Variants in FRMD4A observed in about 807,000 individuals in gnomAD.
The protein encoded by FRMD4A is FERM domain-containing protein 4A.
Under a neutral mutation model 129.1 loss-of-function variants are expected in FRMD4A, and 29 were observed. The observed-to-expected ratio is 0.22, with a 90% CI of 0.17 to 0.31. FRMD4A has a LOEUF of 0.31. FRMD4A is among the 10% of genes least tolerant of loss of function. The pLI, the probability that FRMD4A is intolerant of heterozygous loss-of-function variation, is 1.00. For missense variants in FRMD4A, 1,272 were observed against 1,375.8 expected (o/e 0.92, Z 1.19); for synonymous variants, 634 against 571.6 (o/e 1.11, Z -1.56).
intron 2 of FRMD4A, among the ~76,000 whole-genome samples, chr10:13,949,301 CAAA>C (rs34006963): frequency 3.0e-5 from 3 of 98,972 alleles, no homozygotes; most frequent in Non-Finnish European, 5.4e-5. Flanking sequence ...TTCTAGTGAT[CAAA>C]AAAAAAAAAA....
At chr10:14,134,483 G>A (rs779142700) in intron 2 of FRMD4A, among the ~76,000 whole-genome samples, 2 of 151,712 alleles carry the variant, frequency 1.3e-5, no homozygotes, top group Non-Finnish European at 2.9e-5. Flanking sequence ...GGATAGATAT[G>A]TGGATATATG....
intron 2 of FRMD4A, among the ~76,000 whole-genome samples, chr10:14,160,653 A>C (rs36072053): frequency 0.14 from 21,390 of 152,260 alleles, 1,758 homozygotes; most frequent in East Asian, 0.19. Flanking sequence ...TTATTTCTCA[A>C]AAGAAGACAT....
chr10:14,105,867 C>T (rs76083160), intron 2 of FRMD4A, among the ~76,000 whole-genome samples: 1,933 of 152,204 alleles, frequency 0.013, 33 homozygotes, highest in African/African-American at 0.044. Flanking sequence ...TTATCATGTT[C>T]CTCTGTTTCC....
At chr10:14,136,793 C>T (rs1483136329) in intron 2 of FRMD4A, among the ~76,000 whole-genome samples, 5 of 152,136 alleles carry the variant, frequency 3.3e-5, no homozygotes, top group Admixed American at 2.0e-4. Flanking sequence ...AGCTGTACCC[C>T]GACCACCTTG....
chr10:14,261,941 AACACACACACACACACACACACACACAC>A (rs55763234), intron 2 of FRMD4A, among the ~76,000 whole-genome samples: 2 of 128,232 alleles, frequency 1.6e-5, no homozygotes, highest in Admixed American at 1.6e-4. Flanking sequence ...CACCACACCA[AACACACACACACACACACACACACACAC>A]ACACACACAC....
At chr10:14,271,691 G>C (rs1206649911) in intron 2 of FRMD4A, among the ~76,000 whole-genome samples, 2 of 152,138 alleles carry the variant, frequency 1.3e-5, no homozygotes, top group African/African-American at 2.4e-5. Context: ...GCTGGATCTG[G>C]GATAACTTTG....
chr10:14,308,434 G>A (rs1039874381), intron 2 of FRMD4A, among the ~76,000 whole-genome samples: 1 of 151,880 alleles, frequency 6.6e-6, no homozygotes, highest in Non-Finnish European at 1.5e-5. Context: ...GTGAGAATAC[G>A]AACAGCAGTC....
intron 2 of FRMD4A, among the ~76,000 whole-genome samples, chr10:14,065,882 G>A (rs940828260): frequency 6.6e-6 from 1 of 152,180 alleles, no homozygotes; most frequent in African/African-American, 2.4e-5. Context: ...TTCTCTGCAT[G>A]TAGCAGGTTG....
intron 2 of FRMD4A, among the ~76,000 whole-genome samples, chr10:14,211,931 G>A (rs578080021): frequency 2.6e-5 from 4 of 152,322 alleles, no homozygotes; most frequent in Non-Finnish European, 5.9e-5. Context: ...CCTCAGCACT[G>A]GGGAAGTGGC....
intron 5 of FRMD4A, among the ~76,000 whole-genome samples, chr10:13,786,268 T>A (rs2092859375): frequency 6.6e-6 from 1 of 152,212 alleles, no homozygotes; most frequent in Non-Finnish European, 1.5e-5. Flanking sequence ...TTTCTCCACA[T>A]CCTCTCCGGC....
chr10:13,686,131 G>C (rs1037237454), intron 15 of FRMD4A, among the ~76,000 whole-genome samples: 5 of 152,238 alleles, frequency 3.3e-5, no homozygotes, highest in African/African-American at 9.6e-5. Flanking sequence ...CCCTGGGGCA[G>C]AGCAGAGGCT....
At chr10:13,948,453 G>C (rs10906550) in intron 2 of FRMD4A, among the ~76,000 whole-genome samples, 3 of 151,786 alleles carry the variant, frequency 2.0e-5, no homozygotes, top group Non-Finnish European at 4.4e-5. Context: ...AGCCACTAAA[G>C]GTACTGATAT....
At chr10:13,904,999 A>G (rs1268003498) in intron 2 of FRMD4A, among the ~76,000 whole-genome samples, 2 of 151,034 alleles carry the variant, frequency 1.3e-5, no homozygotes, top group Non-Finnish European at 3.0e-5. Flanking sequence ...TCTCAAAAAA[A>G]AAAAAAAAAA....
At chr10:14,062,380 T>G (rs1379251979) in intron 2 of FRMD4A, among the ~76,000 whole-genome samples, 1 of 152,078 alleles carries the variant, frequency 6.6e-6, no homozygotes, top group Non-Finnish European at 1.5e-5. Context: ...GGGAGTGGGG[T>G]GGGATTGATC....
rs576211043 is a variant in FRMD4A, at chr10:13,872,529, A to G, written c.46-13617T>C. On this transcript the variant is annotated intron_variant, in intron 2 of 24. Transcript: ENST00000357447. ...ATGCACGATGTGTGGGAAAATGTCC[A>G]GGTTCTTACGCATGCACGTAATTCT... Among the ~76,000 whole-genome samples, 19 of 152,400 alleles carry G rather than the reference A, an allele frequency of 1.2e-4. No individual in the cohort carries two copies. The South Asian group carries it at 1.4e-3, about 12-fold the overall frequency.
chr10:13,657,135 GC>G lies in FRMD4A; in HGVS notation c.2453del (p.Gly818AlafsTer79). The G allele has an allele frequency of 2.2e-6, 3 of 1,393,896 alleles. No homozygotes were observed. The highest frequency in any genetic ancestry group is 1.9e-6 in the Non-Finnish European group (2 of 1,049,270). The allele number at this position is 1,393,896 out of a possible 1,614,324, so 86.3% of individuals were successfully genotyped here. A position where few individuals can be genotyped will look rare whatever the true frequency, so the allele number is the denominator to read the frequency against. ...GGAGGAGGAG[G>X]GVYLHSQSQP... ...GGCTCTGGCTGTGCAGGTACACACCGCCCCCCGCGCCCCCCGCGCCCCCCGC... is the reference window on the plus strand; with the variant it reads ...GGCTCTGGCTGTGCAGGTACACACCGCCCCCGCGCCCCCCGCGCCCCCCGC... On this transcript the variant is annotated frameshift_variant, in exon 22 of 25. Coordinates refer to ENST00000357447, the MANE Select transcript of FRMD4A (RefSeq NM_018027.5). LOFTEE classifies it high-confidence loss of function.
intron 2 of FRMD4A, among the ~76,000 whole-genome samples, chr10:14,206,208 A>G (rs1477813014): frequency 1.3e-5 from 2 of 152,218 alleles, no homozygotes; most frequent in Non-Finnish European, 2.9e-5. Context: ...ACAAGGACAC[A>G]CAAGGCTCTC....
At chr10:14,106,353 C>A (rs1305689480) in intron 2 of FRMD4A, among the ~76,000 whole-genome samples, 1 of 152,046 alleles carries the variant, frequency 6.6e-6, no homozygotes. Flanking sequence ...CCTGGTGTGA[C>A]CATTTATTTA....
intron 4 of FRMD4A, among the ~76,000 whole-genome samples, chr10:13,802,710 G>A (rs1295154698): frequency 6.6e-6 from 1 of 152,114 alleles, no homozygotes; most frequent in Non-Finnish European, 1.5e-5. Flanking sequence ...CTGGCTTCAA[G>A]CAATCCTCCT....
Sources: allele counts gnomAD v4.1 joint callset (sites outside exome capture counted in the v4.1 genomes callset), GRCh38; gene constraint gnomAD v4.1.1; transcripts MANE v1.5; gene names NCBI Gene and HGNC (gene_info 2026-07-23, HGNC 2026-07-21).